ERICH2: variants seen among roughly 807,000 people sequenced by gnomAD.
ERICH2 encodes glutamate-rich protein 2.
Under a neutral mutation model 17.4 loss-of-function variants are expected in ERICH2, and 17 were observed. The ratio of observed to expected loss-of-function variants is 0.98; its 90% CI spans 0.67 to 1.47. The LOEUF (loss-of-function observed/expected upper bound fraction) is 1.47, where lower values mean the gene tolerates loss of function less well. Ranked by LOEUF, ERICH2 falls within the 40% of genes most tolerant of loss-of-function variation. The pLI is 0.00. For missense variants in ERICH2, 186 were observed against 183.2 expected (o/e 1.01, Z -0.09); for synonymous variants, 51 against 61.1 (o/e 0.83, Z 0.77).
intron 2 of ERICH2, among the ~76,000 whole-genome samples, chr2:170,790,102 A>T (rs1043602714): frequency 6.6e-6 from 1 of 152,242 alleles, no homozygotes; most frequent in African/African-American, 2.4e-5. Context: ...TCCATGCTCA[A>T]TTAAACTAGG....
intron 2 of ERICH2, among the ~76,000 whole-genome samples, chr2:170,788,484 T>TATTTG (rs1701207018): frequency 6.6e-6 from 1 of 152,064 alleles, no homozygotes; most frequent in Non-Finnish European, 1.5e-5. Context: ...ATTTTTATTT[T>TATTTG]ATTTTCGAGA....
chr2:170,782,993 A>G (rs765481152), upstream of ERICH2, among the ~76,000 whole-genome samples: 3 of 152,110 alleles, frequency 2.0e-5, no homozygotes, highest in Non-Finnish European at 4.4e-5. Context: ...AGCTACTAGG[A>G]AGGCTGAAGC....
intron 2 of ERICH2, among the ~76,000 whole-genome samples, chr2:170,790,577 A>G (rs1701266464): frequency 6.6e-6 from 1 of 152,196 alleles, no homozygotes. Context: ...CAGTGAGCCG[A>G]GATGGCGCCA....
the ERICH2 span, chr2:170,777,044 A>G: frequency 0.25 from 37,989 of 153,082 alleles, 5,177 homozygotes; most frequent in South Asian, 0.35. Flanking sequence ...AACAAAATAC[A>G]TACTTAATAC....
rs1022196335 is a variant in ERICH2, at chr2:170,792,210, G to A, written c.217-653G>A. ...AAGTTACTAAATAATCTTAAATGTT[G>A]TAAATGCATATGTGTTAATTTATGG... On this transcript the variant is annotated intron_variant, in intron 2 of 4. Coordinates refer to ENST00000409885, the Ensembl canonical transcript of ERICH2. Among the ~76,000 whole-genome samples, 7 of 152,052 alleles carry A rather than the reference G, an allele frequency of 4.6e-5. No homozygotes were observed. The South Asian group carries it at 8.3e-4, about 18-fold the overall frequency.
At chr2:170,795,442 T>A (rs986323218) in intron 3 of ERICH2, among the ~76,000 whole-genome samples, 1 of 152,128 alleles carries the variant, frequency 6.6e-6, no homozygotes, top group Non-Finnish European at 1.5e-5. Flanking sequence ...TGAACTCCCA[T>A]GCTCAAGGGA....
At chr2:170,796,406 G>T (rs1701416441) in intron 3 of ERICH2, among the ~76,000 whole-genome samples, 1 of 146,798 alleles carries the variant, frequency 6.8e-6, no homozygotes, top group South Asian at 2.2e-4. Context: ...AATCCACAAT[G>T]GTTATCTCTC....
rs971186629 is a variant in ERICH2, at chr2:170,798,796, G to A, written c.373G>A (p.Gly125Ser). 11 of 1,550,490 alleles carry A rather than the reference G, an allele frequency of 7.1e-6. 1 individual carries two copies. The highest frequency in any genetic ancestry group is 3.9e-5 in the Admixed American group (2 of 50,962). The change falls in exon 5 of 5, where the codon GGT (glycine) becomes AGT (serine). Residue 125 changes from glycine to serine, a missense_variant. Coordinates refer to ENST00000409885, the Ensembl canonical transcript of ERICH2. ...GAAAACTCAGAATCATGAGCAAGAC[G>A]GTGAAAACAGTGATGAAGACAGCAG...
chr2:170,796,155 A>G (rs1701409020), intron 3 of ERICH2, among the ~76,000 whole-genome samples: 1 of 152,228 alleles, frequency 6.6e-6, no homozygotes, highest in Non-Finnish European at 1.5e-5. Flanking sequence ...AGCATATTTT[A>G]GTCCAAGGTA....
intron 3 of ERICH2, among the ~76,000 whole-genome samples, chr2:170,794,125 T>TTC (rs1701360162): frequency 7.0e-6 from 1 of 143,014 alleles, no homozygotes; most frequent in African/African-American, 2.7e-5. Context: ...TTTTTTTTTT[T>TTC]TGACAGGTTC....
chr2:170,798,943 A>G (rs1701497691), exon 5 of ERICH2: 1 of 1,531,908 alleles, frequency 6.5e-7, no homozygotes, highest in East Asian at 2.5e-5. Flanking sequence ...AATGTATACC[A>G]TGCAAATATA....
At chr2:170,791,997 G>A (rs967666654) in intron 2 of ERICH2, among the ~76,000 whole-genome samples, 15 of 152,102 alleles carry the variant, frequency 9.9e-5, no homozygotes, top group Admixed American at 1.3e-4. Context: ...TTCAGAATGT[G>A]TCACACACAA....
chr2:170,792,885 G>A (rs765029299), exon 3 of ERICH2: 15 of 1,514,266 alleles, frequency 9.9e-6, no homozygotes, highest in African/African-American at 2.8e-5. Context: ...GAAATGGCCC[G>A]AGAGTACCAG....
At chr2:170,775,274 A>T in the ERICH2 span, among the ~76,000 whole-genome samples, 1 of 152,000 alleles carries the variant, frequency 6.6e-6, no homozygotes, top group East Asian at 1.9e-4. Flanking sequence ...CAAAAATAAA[A>T]AAAAAAAAAT....
chr2:170,796,422 CTCTT>C (rs1412681747), intron 3 of ERICH2, among the ~76,000 whole-genome samples: 3 of 79,784 alleles, frequency 3.8e-5, no homozygotes, highest in Non-Finnish European at 2.5e-5. Context: ...CTCTCTCTCT[CTCTT>C]TGTTTTTTTT....
At chr2:170,780,485 C>T (rs1033511044), upstream of ERICH2, among the ~76,000 whole-genome samples, 2 of 152,140 alleles carry the variant, frequency 1.3e-5, no homozygotes, top group Non-Finnish European at 2.9e-5. Flanking sequence ...ATTCCATTTA[C>T]TTCAGGTCAT....
chr2:170,786,646 A>T (rs964795241), intron 2 of ERICH2, among the ~76,000 whole-genome samples: 3 of 152,046 alleles, frequency 2.0e-5, no homozygotes, highest in African/African-American at 7.2e-5. Context: ...ACCACTCAGT[A>T]TTGTCCCAGA....
At chr2:170,782,677 G>A (rs989573146), upstream of ERICH2, among the ~76,000 whole-genome samples, 2 of 152,198 alleles carry the variant, frequency 1.3e-5, no homozygotes, top group Non-Finnish European at 2.9e-5. Flanking sequence ...GAAAGCCAGA[G>A]TGCCAGGCAC....
chr2:170,779,071 A>G (rs953172435), upstream of ERICH2, among the ~76,000 whole-genome samples: 2 of 152,182 alleles, frequency 1.3e-5, no homozygotes, highest in African/African-American at 4.8e-5. Context: ...AGTGTAGCCA[A>G]TAAGCTTCAC....
Sources: gnomAD v4.1 joint callset for allele counts (sites outside exome capture counted in the v4.1 genomes callset) on GRCh38, gnomAD v4.1.1 for gene constraint, MANE v1.5 for transcripts, NCBI Gene and HGNC (gene_info 2026-07-23, HGNC 2026-07-21) for gene names.